The following SH3BGR variants were observed in gnomAD, a reference collection of about 807,000 sequenced individuals.
SH3BGR encodes SH3 domain-binding glutamic acid-rich protein.
SH3BGR carries 29 observed loss-of-function variants against 24.5 expected under a neutral mutation model. The ratio of observed to expected loss-of-function variants is 1.18; its 90% CI spans 0.88 to 1.61. The LOEUF (loss-of-function observed/expected upper bound fraction) is 1.61. Ranked by LOEUF, SH3BGR falls within the 40% of genes most tolerant of loss-of-function variation. The pLI is 0.00. For synonymous variants in SH3BGR, 55 were observed against 65.7 expected, an observed-to-expected ratio of 0.84 and a Z score of 0.79; for missense variants, 162 against 205.8, an observed-to-expected ratio of 0.79 and a Z score of 1.30.
chr21:39,499,616 G>A (rs2078458902), intron 3 of SH3BGR, among the ~76,000 whole-genome samples: 2 of 152,182 alleles, frequency 1.3e-5, no homozygotes, highest in Admixed American at 6.5e-5. Flanking sequence ...AATGCACATA[G>A]GTTGGATCTT....
upstream of SH3BGR, among the ~76,000 whole-genome samples, chr21:39,451,507 AT>A (rs1458263513): frequency 6.6e-6 from 1 of 152,146 alleles, no homozygotes; most frequent in African/African-American, 2.4e-5. Flanking sequence ...TACTTAAAAA[AT>A]TTTTTTTAAC....
At chr21:39,479,194 G>T (rs2078077029) in intron 3 of SH3BGR, among the ~76,000 whole-genome samples, 1 of 151,328 alleles carries the variant, frequency 6.6e-6, no homozygotes, top group Non-Finnish European at 1.5e-5. Flanking sequence ...ACATAACGAG[G>T]CTATGTGGTG....
upstream of SH3BGR, among the ~76,000 whole-genome samples, chr21:39,448,952 TATAAACATTCTTTATTG>T (rs2077542833): frequency 6.6e-6 from 1 of 151,962 alleles, no homozygotes; most frequent in South Asian, 2.1e-4. Context: ...GGACTGGTCT[TATAAACATTCTTTATTG>T]ATAAACAGCT....
intron 2 of SH3BGR, among the ~76,000 whole-genome samples, chr21:39,468,978 A>G (rs1027992995): frequency 3.4e-5 from 5 of 147,982 alleles, no homozygotes; most frequent in African/African-American, 9.9e-5. Flanking sequence ...GTTGGTTTTC[A>G]TAATTCTGTT....
Position 39,462,458 on chromosome 21 carries a change from A to G in SH3BGR, c.129A>G (p.Glu43=). The change falls in exon 2 of 7, where the codon GAA becomes GAG. Residue 43 remains glutamate, a synonymous_variant. Transcript: ENST00000333634. The part of the protein sequence containing the change: ...DFKELDIAGD[E]DNRRWMRENV... Reference sequence around the variant, plus strand: ...AGGAATTAGATATTGCTGGAGATGAAGACAACAGGAGGTGGATGAGAGAGA... The same window carrying G: ...AGGAATTAGATATTGCTGGAGATGAGGACAACAGGAGGTGGATGAGAGAGA... The G allele has an allele frequency of 8.1e-6, 13 of 1,608,968 alleles. No individual in the cohort carries two copies. Among genetic ancestry groups the G allele is most frequent in the Non-Finnish European group, 1.1e-5 (13 of 1,178,872 alleles).
intron 1 of SH3BGR, chr21:39,446,885 TTCTC>T (rs1485835756): frequency 6.6e-6 from 1 of 152,166 alleles, no homozygotes; most frequent in African/African-American, 2.4e-5. Context: ...CTTATTACAT[TTCTC>T]TATAGTTTCT....
intron 4 of SH3BGR, among the ~76,000 whole-genome samples, chr21:39,505,216 T>C (rs1056608082): frequency 6.6e-6 from 1 of 152,214 alleles, no homozygotes; most frequent in African/African-American, 2.4e-5. Flanking sequence ...TATGGGCAGA[T>C]TGAGTGCTGC....
chr21:39,510,777 A>G (rs2123563375), intron 5 of SH3BGR, among the ~76,000 whole-genome samples: 1 of 151,322 alleles, frequency 6.6e-6, no homozygotes, highest in Non-Finnish European at 1.5e-5. Flanking sequence ...TCCAGATTAT[A>G]TATATAGGTT....
In SH3BGR at chr21:39,452,114, T is replaced by A; in HGVS notation, c.18T>A (p.Phe6Leu). 1 of 1,614,140 alleles carries A rather than the reference T, an allele frequency of 6.2e-7. No homozygotes were observed. Among genetic ancestry groups the A allele is most frequent in the Non-Finnish European group, 8.5e-7 (1 of 1,180,006 alleles). The change falls in exon 1 of 7, where the codon TTT becomes TTA. Residue 6 changes from phenylalanine (F) to leucine (L), a missense_variant. Coordinates refer to ENST00000333634, the MANE Select transcript of SH3BGR (RefSeq NM_007341.3). ...CTGTCGAAATGGTTATCAAAGTGTT[T>A]GTTGCTACATCTTCTGGGTCCATAG... is the stretch of plus-strand genomic sequence containing the variant. MVIKVFVATSSGSIAI... is the reference protein window; with the variant it reads MVIKVLVATSSGSIAI...
At chr21:39,507,394 C>T (rs187548627) in intron 4 of SH3BGR, among the ~76,000 whole-genome samples, 11 of 152,228 alleles carry the variant, frequency 7.2e-5, no homozygotes, top group East Asian at 1.9e-4. Flanking sequence ...AGTGCAGTGG[C>T]GCAATCTTGA....
At chr21:39,463,042 C>A (rs2077780913) in intron 2 of SH3BGR, among the ~76,000 whole-genome samples, 2 of 152,118 alleles carry the variant, frequency 1.3e-5, no homozygotes. Context: ...CAGTACTCCA[C>A]CCAGCTAATT....
At chr21:39,461,815 A>G (rs1034843573) in intron 1 of SH3BGR, among the ~76,000 whole-genome samples, 5 of 152,116 alleles carry the variant, frequency 3.3e-5, no homozygotes, top group Non-Finnish European at 7.4e-5. Flanking sequence ...TTTAGTTTTA[A>G]CAGTTGATTA....
chr21:39,482,264 C>T (rs1211619082), intron 3 of SH3BGR, among the ~76,000 whole-genome samples: 2 of 152,072 alleles, frequency 1.3e-5, no homozygotes, highest in Admixed American at 1.3e-4. Context: ...AGATAACTGA[C>T]CCAGATTCTT....
At chr21:39,513,247 T>A (rs1170364477) in intron 6 of SH3BGR, among the ~76,000 whole-genome samples, 2 of 152,184 alleles carry the variant, frequency 1.3e-5, no homozygotes, top group Non-Finnish European at 2.9e-5. Context: ...GACTTCACCA[T>A]GTTCCCCAGG....
chr21:39,471,400 A>G (rs2123366400), intron 2 of SH3BGR, among the ~76,000 whole-genome samples: 1 of 152,194 alleles, frequency 6.6e-6, no homozygotes, highest in East Asian at 1.9e-4. Context: ...TGGGCAGCAT[A>G]GTGAGACCTT....
intron 3 of SH3BGR, among the ~76,000 whole-genome samples, chr21:39,477,417 T>G (rs1180204040): frequency 6.6e-6 from 1 of 152,202 alleles, no homozygotes; most frequent in Non-Finnish European, 1.5e-5. Context: ...ACTACAGGTG[T>G]GAGCCACTGT....
chr21:39,509,630 A>C (rs2078642639), intron 5 of SH3BGR, among the ~76,000 whole-genome samples: 1 of 151,472 alleles, frequency 6.6e-6, no homozygotes, highest in South Asian at 2.1e-4. Flanking sequence ...ACGTGTCACC[A>C]CACCTGGCTA....
intron 3 of SH3BGR, among the ~76,000 whole-genome samples, chr21:39,479,250 GTGGTGGTGATGGTAGTGC>G (rs1390751378): frequency 1.9e-4 from 29 of 150,700 alleles, no homozygotes; most frequent in Admixed American, 1.3e-4. Flanking sequence ...GGTGGTGGTG[GTGGTGGTGATGGTAGTGC>G]TGGTGGTGAT....
intron 2 of SH3BGR, among the ~76,000 whole-genome samples, chr21:39,469,240 T>A (rs553390060): frequency 1.6e-4 from 24 of 150,702 alleles, no homozygotes; most frequent in African/African-American, 5.6e-4. Flanking sequence ...AAATAAGATA[T>A]TCTTAAGACC....
Sources: allele counts gnomAD v4.1 joint callset (sites outside exome capture counted in the v4.1 genomes callset), GRCh38; gene constraint gnomAD v4.1.1; transcripts MANE v1.5; gene names NCBI Gene and HGNC (gene_info 2026-07-23, HGNC 2026-07-21).